Variants in RARB observed in about 807,000 individuals in gnomAD.
RARB encodes retinoic acid receptor beta.
Under a neutral mutation model 51.9 loss-of-function variants are expected in RARB, and 17 were observed. That is an observed-to-expected ratio of 0.33 (90% CI 0.22 to 0.49). The LOEUF is 0.49. RARB is among the 20% of genes least tolerant of loss of function. The pLI is 0.99. For missense variants in RARB, 369 were observed against 550.8 expected (o/e 0.67, Z 3.30); for synonymous variants, 215 against 195.4 (o/e 1.10, Z -0.84).
In RARB at chr3:24,920,395, A is replaced by G. The variant is rs78117778; in HGVS notation, c.-380+61643A>G. Among the ~76,000 whole-genome samples, 1,233 of 152,332 alleles carry G rather than the reference A, an allele frequency of 8.1e-3. 14 individuals are homozygous for G. The highest frequency in any genetic ancestry group is 0.029 in the African/African-American group (1,188 of 41,576). ...AAAATTAGAAAACTTCAAATCAGGA[A>G]ATCTAAATATTGTATTAAAAATGGT... On this transcript the variant is annotated intron_variant, in intron 2 of 11. Transcript: ENST00000383772.
chr3:24,883,838 A>G (rs945014751), intron 2 of RARB, among the ~76,000 whole-genome samples: 3 of 152,148 alleles, frequency 2.0e-5, no homozygotes, highest in Non-Finnish European at 4.4e-5. Context: ...AAAGTCAATG[A>G]TTCTTGCGTA....
intron 2 of RARB, among the ~76,000 whole-genome samples, chr3:24,868,717 G>A (rs1182527019): frequency 1.3e-4 from 20 of 152,146 alleles, no homozygotes; most frequent in Non-Finnish European, 1.5e-5. Context: ...GACTTCACTT[G>A]TGTGATAAAA....
chr3:25,313,903 C>A (rs982060717), intron 5 of RARB, among the ~76,000 whole-genome samples: 4 of 151,732 alleles, frequency 2.6e-5, no homozygotes, highest in African/African-American at 9.7e-5. Context: ...GACCTCATCT[C>A]TACAAAAAAG....
intron 3 of RARB, among the ~76,000 whole-genome samples, chr3:25,109,206 A>G (rs1196730832): frequency 6.6e-6 from 1 of 152,236 alleles, no homozygotes; most frequent in Non-Finnish European, 1.5e-5. Flanking sequence ...AATAGTAATT[A>G]AATGCATATA....
At chr3:25,142,265 T>G in intron 4 of RARB, among the ~76,000 whole-genome samples, 1 of 151,956 alleles carries the variant, frequency 6.6e-6, no homozygotes, top group Non-Finnish European at 1.5e-5. Flanking sequence ...ACCTGGGAGG[T>G]GGAAGTTGCA....
intron 2 of RARB, among the ~76,000 whole-genome samples, chr3:24,883,723 C>G (rs903678261): frequency 6.6e-6 from 1 of 151,828 alleles, no homozygotes; most frequent in Non-Finnish European, 1.5e-5. Flanking sequence ...ATGAAATAAG[C>G]ATTGATTTTC....
At chr3:24,915,554 C>T (rs114175016) in intron 2 of RARB, among the ~76,000 whole-genome samples, 327 of 152,290 alleles carry the variant, frequency 2.1e-3, no homozygotes, top group African/African-American at 7.4e-3. Flanking sequence ...ATGCCTGATC[C>T]ATTGGAGAAA....
At chr3:25,160,099 A>G (rs896154989) in intron 4 of RARB, among the ~76,000 whole-genome samples, 1 of 152,200 alleles carries the variant, frequency 6.6e-6, no homozygotes, top group South Asian at 2.1e-4. Flanking sequence ...GAACCCTGTC[A>G]TTCTTTCCTG....
At chr3:25,482,172 G>A (rs1423994888) in intron 2 of RARB, among the ~76,000 whole-genome samples, 1 of 152,170 alleles carries the variant, frequency 6.6e-6, no homozygotes, top group African/African-American at 2.4e-5. Flanking sequence ...AGCACATAAT[G>A]CTATGGAAAC....
intron 5 of RARB, among the ~76,000 whole-genome samples, chr3:25,326,258 G>C (rs558594097): frequency 6.6e-6 from 1 of 152,210 alleles, no homozygotes; most frequent in African/African-American, 2.4e-5. Context: ...AAGTGGGAGG[G>C]AGGCTGTCTA....
chr3:25,170,974 A>C (rs1700635523), intron 4 of RARB, among the ~76,000 whole-genome samples: 2 of 152,154 alleles, frequency 1.3e-5, no homozygotes, highest in Admixed American at 6.5e-5. Flanking sequence ...AGATTATTGC[A>C]TAACAATATC....
chr3:25,499,357 A>G (rs1697184992), intron 2 of RARB, among the ~76,000 whole-genome samples: 1 of 152,128 alleles, frequency 6.6e-6, no homozygotes, highest in Admixed American at 6.5e-5. Context: ...ACAACTGGTA[A>G]AGTAGACTTC....
intron 2 of RARB, among the ~76,000 whole-genome samples, chr3:24,915,676 G>A (rs1380872701): frequency 6.6e-6 from 1 of 152,188 alleles, no homozygotes; most frequent in Non-Finnish European, 1.5e-5. Context: ...ACAGCGTTGT[G>A]GGTGTTGTAT....
chr3:25,007,335 C>A (rs1436250213), intron 2 of RARB, among the ~76,000 whole-genome samples: 1 of 151,956 alleles, frequency 6.6e-6, no homozygotes, highest in East Asian at 1.9e-4. Flanking sequence ...CTACCAAAAC[C>A]ACACTCATGG....
Position 25,000,246 on chromosome 3 carries a change from T to C in RARB, c.-379-59879T>C, listed in dbSNP as rs145736149. Among the ~76,000 whole-genome samples, 32 of 152,298 alleles carry C rather than the reference T, an allele frequency of 2.1e-4. 1 individual carries two copies. The East Asian group carries it at 5.4e-3, about 26-fold the overall frequency. ...AGGTACTAGTGCTTTACTTCCAGAA[T>C]GCAAATTTTAGGCTGACTTCATCTA... On this transcript the variant is annotated intron_variant, in intron 2 of 11. Coordinates refer to the RARB transcript ENST00000383772.
chr3:24,974,018 T>G (rs1207861840), intron 2 of RARB, among the ~76,000 whole-genome samples: 1 of 152,096 alleles, frequency 6.6e-6, no homozygotes, highest in Non-Finnish European at 1.5e-5. Flanking sequence ...TGGATATTCT[T>G]GTCTTGTTCC....
At chr3:25,558,690 A>T (rs1559466993) in intron 3 of RARB, among the ~76,000 whole-genome samples, 1 of 151,978 alleles carries the variant, frequency 6.6e-6, no homozygotes. Flanking sequence ...CAGCCTCTGG[A>T]TTCCTAATTC....
chr3:25,222,942 T>G (rs1290812427), intron 5 of RARB, among the ~76,000 whole-genome samples: 1 of 152,202 alleles, frequency 6.6e-6, no homozygotes, highest in Non-Finnish European at 1.5e-5. Context: ...TGAATAGGAT[T>G]TTTTTCTACC....
At chr3:25,168,901 A>G (rs1019051686) in intron 4 of RARB, among the ~76,000 whole-genome samples, 1 of 152,220 alleles carries the variant, frequency 6.6e-6, no homozygotes. Context: ...TGCATAACAC[A>G]ATGAAGCAGG....
Sources: allele counts gnomAD v4.1 joint callset (sites outside exome capture counted in the v4.1 genomes callset), GRCh38; gene constraint gnomAD v4.1.1; transcripts MANE v1.5; gene names NCBI Gene and HGNC (gene_info 2026-07-23, HGNC 2026-07-21).